Variants in TEC observed in about 807,000 individuals in gnomAD.
TEC encodes tyrosine-protein kinase Tec.
A neutral mutation model predicts 93.0 loss-of-function variants in TEC; 72 were observed. The ratio of observed to expected loss-of-function variants is 0.77; its 90% CI spans 0.64 to 0.94. The LOEUF (loss-of-function observed/expected upper bound fraction) is 0.94, where lower values mean the gene tolerates loss of function less well. TEC is among the 40% of genes least tolerant of loss of function. The probability of loss-of-function intolerance (pLI) is 0.00; values close to 1 mark genes in which losing one functional copy is unlikely to be tolerated. For synonymous variants in TEC, 249 were observed against 247.7 expected, an observed-to-expected ratio of 1.01 and a Z score of -0.05; for missense variants, 630 against 757.9, an observed-to-expected ratio of 0.83 and a Z score of 1.98.
intron 2 of TEC, among the ~76,000 whole-genome samples, chr4:48,194,105 A>G (rs1722197413): frequency 6.6e-6 from 1 of 152,202 alleles, no homozygotes; most frequent in African/African-American, 2.4e-5. Context: ...AACCCAGAGC[A>G]ATGACAGCCC....
At chr4:48,164,460 A>C (rs981111862) in intron 7 of TEC, among the ~76,000 whole-genome samples, 2 of 152,228 alleles carry the variant, frequency 1.3e-5, no homozygotes, top group Non-Finnish European at 2.9e-5. Context: ...GGTTTTCAGC[A>C]TAAGAAAACA....
chr4:48,233,841 G>C (rs1257680477), intron 1 of TEC, among the ~76,000 whole-genome samples: 2 of 149,056 alleles, frequency 1.3e-5, no homozygotes, highest in Non-Finnish European at 3.0e-5. Context: ...TTAAGACGCA[G>C]AAAACATAAT....
intron 2 of TEC, among the ~76,000 whole-genome samples, chr4:48,223,981 A>T (rs1181648372): frequency 6.6e-6 from 1 of 152,226 alleles, no homozygotes; most frequent in African/African-American, 2.4e-5. Flanking sequence ...CTGGGACTCT[A>T]CTAGGATAAG....
chr4:48,176,671 G>A (rs1485513428), intron 2 of TEC, among the ~76,000 whole-genome samples: 1 of 152,182 alleles, frequency 6.6e-6, no homozygotes, highest in Non-Finnish European at 1.5e-5. Context: ...GTAGTGAGCT[G>A]AGACTGGGCC....
At chr4:48,145,031 T>C in intron 14 of TEC, 48 bp downstream of exon 14, 1 of 1,558,924 alleles carries the variant, frequency 6.4e-7, no homozygotes, top group Non-Finnish European at 8.8e-7. Flanking sequence ...GAGCCAGTGT[T>C]ACAAAGGAAT....
Position 48,141,309 on chromosome 4 carries a change from C to CA in TEC, c.1535+45dup, listed in dbSNP as rs534533768. ...TTATTCCCACACTTATTAATTCCAC[C>CA]AAAAAAATGCAAACATCACCTAAAA... On this transcript the variant is annotated intron_variant, in intron 15 of 17. Transcript: ENST00000381501. 1,770 of 1,550,772 alleles carry CA rather than the reference C, an allele frequency of 1.1e-3. 13 individuals carry two copies. The African/African-American group carries it at 0.021, about 18-fold the overall frequency.
chr4:48,169,600 C>G (rs964387050), intron 5 of TEC, among the ~76,000 whole-genome samples: 11 of 152,096 alleles, frequency 7.2e-5, no homozygotes, highest in Non-Finnish European at 1.3e-4. Context: ...TTCTGATGGA[C>G]CCAGTGAGCA....
intron 2 of TEC, among the ~76,000 whole-genome samples, chr4:48,203,593 A>C (rs1235813055): frequency 2.6e-5 from 4 of 152,182 alleles, no homozygotes; most frequent in Admixed American, 1.3e-4. Flanking sequence ...AAACTGTTCC[A>C]CTTTTAGTCA....
chr4:48,267,594 C>T (rs1258131132), intron 1 of TEC, among the ~76,000 whole-genome samples: 3 of 152,174 alleles, frequency 2.0e-5, no homozygotes, highest in African/African-American at 7.2e-5. Flanking sequence ...GTAATTAGTC[C>T]AACCAAGGCA....
At chr4:48,246,895 G>A (rs1258515018) in intron 1 of TEC, among the ~76,000 whole-genome samples, 1 of 151,542 alleles carries the variant, frequency 6.6e-6, no homozygotes, top group African/African-American at 2.4e-5. Flanking sequence ...AAGAAAAATA[G>A]GTAAGTAGGA....
At chr4:48,194,236 A>T (rs1205235863) in intron 2 of TEC, among the ~76,000 whole-genome samples, 1 of 152,220 alleles carries the variant, frequency 6.6e-6, no homozygotes, top group Non-Finnish European at 1.5e-5. Flanking sequence ...GCCTATATCT[A>T]GCCAGTTCTT....
rs375126522 is a variant in TEC at position 48,178,491 on chromosome 4, TCTC to T, written c.139-2308_139-2306del. On this transcript the variant is annotated intron_variant, in intron 2 of 17. Transcript: ENST00000381501. ...AATATCCCTGTGAGGTACACATTAT[TCTC>T]CTCATTTTACAGATGAGGAAACTGC... Among the ~76,000 whole-genome samples, 126 of 152,276 alleles carry T rather than the reference TCTC, an allele frequency of 8.3e-4. 1 individual carries two copies. The highest frequency in any genetic ancestry group is 3.4e-3 in the Middle Eastern group (1 of 294).
chr4:48,180,042 T>A (rs1721521847), intron 2 of TEC, among the ~76,000 whole-genome samples: 1 of 152,136 alleles, frequency 6.6e-6, no homozygotes, highest in Non-Finnish European at 1.5e-5. Context: ...TGTGGATAAA[T>A]AGATATAAGA....
rs10659576 is a variant in TEC at position 48,262,201 on chromosome 4, C to CTTTTT, written c.-46+7546_-46+7550dup. Among the ~76,000 whole-genome samples, 9 of 80,220 alleles carry CTTTTT rather than the reference C, an allele frequency of 1.1e-4. 1 individual carries two copies. The highest frequency in any genetic ancestry group is 1.9e-4 in the Non-Finnish European group (8 of 42,428). 52.6% of individuals were successfully genotyped at this position (80,220 alleles called of 152,430 possible). ...CTTGGGTAATTGTGACCAAATGTCT[C>CTTTTT]TTTTTTTTTTTTTGAGACGGAGTCT... is the stretch of plus-strand genomic sequence containing the variant. On this transcript the variant is annotated intron_variant, in intron 1 of 17. Transcript: ENST00000381501.
intron 2 of TEC, among the ~76,000 whole-genome samples, chr4:48,224,892 CA>C (rs1364840652): frequency 6.6e-6 from 1 of 152,152 alleles, no homozygotes; most frequent in Non-Finnish European, 1.5e-5. Context: ...TTCTGTCTAA[CA>C]TTATGAACTG....
At chr4:48,266,738 C>T (rs186029611) in intron 1 of TEC, among the ~76,000 whole-genome samples, 62 of 151,364 alleles carry the variant, frequency 4.1e-4, no homozygotes, top group Admixed American at 8.6e-4. Context: ...CTCAGGAAGC[C>T]GAGGCAGGAG....
intron 2 of TEC, among the ~76,000 whole-genome samples, chr4:48,215,089 G>A (rs1560412227): frequency 2.0e-5 from 3 of 151,746 alleles, no homozygotes; most frequent in Admixed American, 6.6e-5. Flanking sequence ...GGAGGCGGAG[G>A]TTGCAGTAAG....
At chr4:48,168,524 A>C in intron 6 of TEC, 62 bp downstream of exon 6, 1 of 1,561,240 alleles carries the variant, frequency 6.4e-7, no homozygotes, top group South Asian at 1.1e-5. Flanking sequence ...AACACTACCA[A>C]AACTTAAGAC....
chr4:48,242,886 C>T (rs186213613), intron 1 of TEC, among the ~76,000 whole-genome samples: 94 of 152,232 alleles, frequency 6.2e-4, no homozygotes, highest in African/African-American at 1.9e-3. Context: ...ACTGACAAAG[C>T]AACTGAGGAC....
Sources: allele counts gnomAD v4.1 joint callset (sites outside exome capture counted in the v4.1 genomes callset), GRCh38; gene constraint gnomAD v4.1.1; transcripts MANE v1.5; gene names NCBI Gene and HGNC (gene_info 2026-07-23, HGNC 2026-07-21).